Variants in DBF4B observed in about 807,000 individuals in gnomAD.
DBF4B encodes the protein DBF4B-CDC7 kinase regulatory subunit.
A neutral mutation model predicts 53.4 loss-of-function variants in DBF4B; 49 were observed. The ratio of observed to expected loss-of-function variants is 0.92; its 90% CI spans 0.73 to 1.16. The LOEUF (loss-of-function observed/expected upper bound fraction) is 1.16, where lower values mean the gene tolerates loss of function less well. DBF4B is among the 50% of genes most tolerant of loss of function. The pLI is 0.00. For missense variants in DBF4B, 692 were observed against 775.0 expected (o/e 0.89, Z 1.27); for synonymous variants, 257 against 288.7 (o/e 0.89, Z 1.11).
chr17:44,751,547 T>A lies in DBF4B; in HGVS notation c.*294T>A. 7.5e-7 allele frequency: 1 copy of A among 1,331,730 alleles called. No individual in the cohort carries two copies. The highest frequency in any genetic ancestry group is 9.6e-7 in the Non-Finnish European group (1 of 1,042,516). 82.5% of individuals were successfully genotyped at this position (1,331,730 alleles called of 1,614,324 possible). ...CACCTCGCCAACCACTCTTGTTGGT[T>A]TCCTTCTCAGACTTGCCACCTTTCC... is the stretch of plus-strand genomic sequence containing the variant. On this transcript the variant is annotated 3_prime_UTR_variant, in exon 14 of 14. Transcript: ENST00000315005.
intron 11 of DBF4B, 71 bp downstream of exon 11, chr17:44,747,262 C>A: frequency 6.3e-7 from 1 of 1,599,132 alleles, no homozygotes; most frequent in Non-Finnish European, 8.6e-7. Flanking sequence ...GGGATGAGTC[C>A]TTCCTATGCG....
chr17:44,751,886 T>C lies in DBF4B; in HGVS notation c.*633T>C. The stretch of plus-strand genomic sequence containing the variant: ...CAGCAGCCCCTCAGTGGCCTGGTTC[T>C]CCTGTCCCCCTGCCCTTCCTCACCA... On this transcript the variant is annotated 3_prime_UTR_variant, in exon 14 of 14. Coordinates refer to ENST00000315005, the MANE Select transcript of DBF4B (RefSeq NM_145663.3). 1 of 1,536,214 alleles carries C rather than the reference T, an allele frequency of 6.5e-7. No homozygotes were observed. Among genetic ancestry groups the C allele is most frequent in the East Asian group, 2.4e-5 (1 of 40,886 alleles).
intron 13 of DBF4B, chr17:44,748,686 A>G (rs1422200778): frequency 1.3e-5 from 19 of 1,440,234 alleles, no homozygotes; most frequent in Non-Finnish European, 1.8e-5. Flanking sequence ...CAGACCTGGC[A>G]CTTTTTGGCC....
intron 3 of DBF4B, among the ~76,000 whole-genome samples, chr17:44,725,614 T>C (rs1224542707): frequency 1.3e-5 from 2 of 151,438 alleles, no homozygotes; most frequent in African/African-American, 2.4e-5. Context: ...CCCTATATCC[T>C]TGATACTCCT....
chr17:44,709,203 T>G, intron 1 of DBF4B, 101 bp from the exon 2 acceptor site: 1 of 1,454,342 alleles, frequency 6.9e-7, no homozygotes, highest in Admixed American at 1.7e-5. Context: ...TTCCCAGGAG[T>G]CGCGTTTCTG....
intron 9 of DBF4B, 61 bp downstream of exon 9, chr17:44,738,485 G>A: frequency 6.4e-7 from 1 of 1,562,110 alleles, no homozygotes; most frequent in South Asian, 1.2e-5. Context: ...AGGGAGGAGG[G>A]AGGGGTGCTC....
chr17:44,716,495 A>C (rs1461411102), intron 2 of DBF4B, among the ~76,000 whole-genome samples: 1 of 152,104 alleles, frequency 6.6e-6, no homozygotes, highest in African/African-American at 2.4e-5. Context: ...CCTCTAGTCC[A>C]GGGATTTTTT....
chr17:44,726,807 T>C (rs1169105096), intron 3 of DBF4B, among the ~76,000 whole-genome samples: 2 of 152,088 alleles, frequency 1.3e-5, no homozygotes, highest in Non-Finnish European at 2.9e-5. Flanking sequence ...TCCATTAAAA[T>C]ATTTTTAGGG....
At chr17:44,731,602 C>CA (rs557058247) in intron 5 of DBF4B, 624 of 147,552 alleles carry the variant, frequency 4.2e-3, no homozygotes, top group African/African-American at 8.9e-3. Context: ...GACTCTGTCT[C>CA]AAAAAAAAAA....
At chr17:44,710,095 C>T (rs1256072634) in intron 2 of DBF4B, among the ~76,000 whole-genome samples, 3 of 151,978 alleles carry the variant, frequency 2.0e-5, no homozygotes, top group African/African-American at 7.3e-5. Context: ...ATTGATTGAA[C>T]CCAGGAGGCG....
chr17:44,739,168 G>A (rs1242312407), intron 9 of DBF4B, among the ~76,000 whole-genome samples: 2 of 152,138 alleles, frequency 1.3e-5, no homozygotes, highest in Non-Finnish European at 2.9e-5. Context: ...TTAACCTAAT[G>A]AGCTATTAGC....
chr17:44,718,333 G>C (rs777429003), intron 2 of DBF4B, among the ~76,000 whole-genome samples: 2 of 150,172 alleles, frequency 1.3e-5, no homozygotes, highest in Non-Finnish European at 1.5e-5. Flanking sequence ...TGAGGCAGGA[G>C]AATCGCTTGA....
Position 44,751,354 on chromosome 17 carries a change from C to T in DBF4B, c.*101C>T, listed in dbSNP as rs562448245. On this transcript the variant is annotated 3_prime_UTR_variant, in exon 14 of 14. Transcript: ENST00000315005. ...CTCCTTGGCGTGAGCACTGCTCAGA[C>T]TCCTTTCCACTCCAGCCCCCTTTCC... 6 of 1,466,552 alleles carry T rather than the reference C, an allele frequency of 4.1e-6. No individual in the cohort carries two copies. Among genetic ancestry groups the T allele is most frequent in the East Asian group, 2.4e-5 (1 of 41,462 alleles). The allele number at this position is 1,466,552 out of a possible 1,614,324, so 90.8% of individuals were successfully genotyped here.
At chr17:44,712,062 A>C (rs1598752077) in intron 2 of DBF4B, among the ~76,000 whole-genome samples, 1 of 150,514 alleles carries the variant, frequency 6.6e-6, no homozygotes. Context: ...GTGCCATTGC[A>C]CTCCAGCCTG....
intron 7 of DBF4B, 151 bp from the exon 8 acceptor site, chr17:44,736,679 T>A (rs932318551): frequency 1.3e-6 from 1 of 784,982 alleles, no homozygotes; most frequent in Admixed American, 2.3e-5. Context: ...CCAGGTCTGC[T>A]CCAGCTCAGG....
At chr17:44,715,857 C>G (rs1175591893) in intron 2 of DBF4B, among the ~76,000 whole-genome samples, 2 of 97,980 alleles carry the variant, frequency 2.0e-5, no homozygotes, top group Non-Finnish European at 3.6e-5. Flanking sequence ...GAGTCTTGCT[C>G]TGTCTCCCAG....
chr17:44,735,951 CTCTTTTT>C (rs1352625219), intron 7 of DBF4B, among the ~76,000 whole-genome samples: 2 of 151,980 alleles, frequency 1.3e-5, no homozygotes, highest in Non-Finnish European at 2.9e-5. Context: ...GATCCATTTA[CTCTTTTT>C]TCTTTTTATT....
At chr17:44,720,181 C>T (rs953069048) in intron 2 of DBF4B, 13 of 362,140 alleles carry the variant, frequency 3.6e-5, no homozygotes, top group Admixed American at 2.0e-4. Flanking sequence ...GATGCTGGAT[C>T]GCAGTTTTCT....
At chr17:44,733,693 T>TA (rs1316629165) in intron 6 of DBF4B, 1 of 168,172 alleles carries the variant, frequency 5.9e-6, no homozygotes, top group East Asian at 1.6e-4. Flanking sequence ...CTTTCTCTGT[T>TA]AGAGGAGTGC....
Sources: gnomAD v4.1 joint callset for allele counts (sites outside exome capture counted in the v4.1 genomes callset) on GRCh38, gnomAD v4.1.1 for gene constraint, MANE v1.5 for transcripts, NCBI Gene and HGNC (gene_info 2026-07-23, HGNC 2026-07-21) for gene names.